TRPV2: variants seen among roughly 807,000 people sequenced by gnomAD.
TRPV2 encodes the protein transient receptor potential cation channel subfamily V member 2.
TRPV2 carries 58 observed loss-of-function variants against 91.0 expected under a neutral mutation model. The ratio of observed to expected loss-of-function variants is 0.64; its 90% confidence interval spans 0.52 to 0.79. The LOEUF (loss-of-function observed/expected upper bound fraction) is 0.79, where lower values mean the gene tolerates loss of function less well. Ranked by LOEUF, TRPV2 falls within the 30% of genes least tolerant of loss-of-function variation. The pLI is 0.00. For synonymous variants in TRPV2, 417 were observed against 414.8 expected, an observed-to-expected ratio of 1.01 and a Z score of -0.06; for missense variants, 807 against 969.6, an observed-to-expected ratio of 0.83 and a Z score of 2.23.
chr17:16,420,386 G>A, intron 3 of TRPV2, 138 bp downstream of exon 3: 3 of 1,145,992 alleles, frequency 2.6e-6, no homozygotes, highest in Non-Finnish European at 3.7e-6. Context: ...TGGCTGGGGG[G>A]CCCTGTGGAC....
At chr17:16,431,293 T>TATATATATATATA (rs1568919199) in intron 10 of TRPV2, among the ~76,000 whole-genome samples, 5 of 44,994 alleles carry the variant, frequency 1.1e-4, no homozygotes, top group African/African-American at 6.1e-4. Flanking sequence ...ATATACATAT[T>TATATATATATATA]TTTTTTTTTT....
At chr17:16,419,149 A>C (rs1005509545) in intron 2 of TRPV2, among the ~76,000 whole-genome samples, 1 of 151,396 alleles carries the variant, frequency 6.6e-6, no homozygotes, top group African/African-American at 2.4e-5. Flanking sequence ...ATCAAATAGC[A>C]CCCCCTGTTC....
At chr17:16,422,428 AC>A (rs2093362441) in intron 3 of TRPV2, among the ~76,000 whole-genome samples, 170 bp from the exon 4 acceptor site, 1 of 152,150 alleles carries the variant, frequency 6.6e-6, no homozygotes, top group African/African-American at 2.4e-5. Flanking sequence ...CTTATCTGTT[AC>A]TTGGAGCCTT....
At chr17:16,417,184 C>T (rs1272625307) in intron 1 of TRPV2, among the ~76,000 whole-genome samples, 1 of 152,086 alleles carries the variant, frequency 6.6e-6, no homozygotes, top group Admixed American at 6.5e-5. Flanking sequence ...GGCTCCCACA[C>T]AGTGGGTGGA....
At chr17:16,425,801 C>T (rs2093380198) in intron 5 of TRPV2, among the ~76,000 whole-genome samples, 1 of 152,190 alleles carries the variant, frequency 6.6e-6, no homozygotes, top group Non-Finnish European at 1.5e-5. Context: ...TCAGGGGCCT[C>T]AAGGACCCCA....
Position 16,426,686 on chromosome 17 carries a change from T to C in TRPV2, c.1096-36T>C. Reference sequence around the variant, plus strand: ...GGAGTGGGCAGCCTATTTGCACTTGTTGAGTGTACCCATGGCTCTCCCCTC... The same window carrying C: ...GGAGTGGGCAGCCTATTTGCACTTGCTGAGTGTACCCATGGCTCTCCCCTC... On this transcript the variant is annotated intron_variant, in intron 6 of 14. Transcript: ENST00000338560. The surrounding 1 kb of genome is among the most constrained non-coding windows in gnomAD (Gnocchi z 6.0). 1 of 1,597,324 alleles carries C rather than the reference T, an allele frequency of 6.3e-7. No homozygotes were observed. Among genetic ancestry groups the C allele is most frequent in the South Asian group, 1.1e-5 (1 of 87,922 alleles).
chr17:16,423,172 C>T (rs1287382896), intron 4 of TRPV2, among the ~76,000 whole-genome samples: 1 of 152,240 alleles, frequency 6.6e-6, no homozygotes, highest in Admixed American at 6.5e-5. Context: ...ATGTTTCATC[C>T]TCGTCTGGCC....
chr17:16,417,153 A>C (rs1490983227), intron 1 of TRPV2, among the ~76,000 whole-genome samples: 4 of 151,318 alleles, frequency 2.6e-5, no homozygotes, highest in Non-Finnish European at 5.9e-5. Context: ...CTCCTGGCCC[A>C]CTTCCCCTGC....
chr17:16,427,545 C>T lies in TRPV2; in HGVS notation c.1348C>T (p.Gln450Ter). 6.2e-7 allele frequency: 1 copy of T among 1,611,046 alleles called. No homozygotes were observed. The highest frequency in any genetic ancestry group is 8.5e-7 in the Non-Finnish European group (1 of 1,178,046). Residue 450 changes from glutamine (Q) to a stop codon, truncating the protein, a stop_gained and splice_region_variant, in exon 8 of 15, where the codon CAG becomes TAG. Coordinates refer to ENST00000338560, the MANE Select transcript of TRPV2 (RefSeq NM_016113.5). LOFTEE classifies it high-confidence loss of function. The stretch of plus-strand genomic sequence containing the variant: ...AGGGGGGATCTACCTCCTCGTGGGC[C>T]AGGTGAGTGCCCCTCCCCTTCTCCT... Reference protein sequence around the residue: ...LLGGIYLLVGQLWYFWRRHVF... With the variant: ...LLGGIYLLVG
rs761898903 is a variant in TRPV2, at chr17:16,432,276, C to T, written c.1965C>T (p.Asp655=). The T allele has an allele frequency of 6.8e-6, 11 of 1,607,878 alleles. No individual in the cohort carries two copies. Among genetic ancestry groups the T allele is most frequent in the African/African-American group, 1.3e-5 (1 of 74,846 alleles). Residue 655 remains aspartate (D), a synonymous_variant, in exon 12 of 15, where the codon GAC becomes GAT. Coordinates refer to ENST00000338560, the MANE Select transcript of TRPV2 (RefSeq NM_016113.5). ...AGACCGTCAACAGTGTCGCCACTGACAGCTGGAGCATCTGGAAGCTGCAGG... is the reference window on the plus strand; with the variant it reads ...AGACCGTCAACAGTGTCGCCACTGATAGCTGGAGCATCTGGAAGCTGCAGG... ...MSETVNSVAT[D]SWSIWKLQKA...
Position 16,426,601 on chromosome 17 carries a change from TG to T in TRPV2, c.1096-119del. 1 of 1,225,280 alleles carries T rather than the reference TG, an allele frequency of 8.2e-7. No homozygotes were observed. The highest frequency in any genetic ancestry group is 1.1e-6 in the Non-Finnish European group (1 of 895,044). 75.9% of individuals were successfully genotyped at this position (1,225,280 alleles called of 1,614,324 possible). ...GAGGTCCTTTGGGGCTCCTGGGGTG[TG>T]GAAGCCTGCTCCCTGTCCTCTCTCC... On this transcript the variant is annotated intron_variant, in intron 6 of 14. Coordinates refer to ENST00000338560, the MANE Select transcript of TRPV2 (RefSeq NM_016113.5). This position sits in a 1 kb window ranked among gnomAD's most constrained non-coding sequence, Gnocchi z 6.0.
chr17:16,424,368 G>C (rs1254481465), intron 5 of TRPV2, among the ~76,000 whole-genome samples: 1 of 151,820 alleles, frequency 6.6e-6, no homozygotes, highest in African/African-American at 2.4e-5. Context: ...CACCATGTTG[G>C]TCAGGCTGGT....
chr17:16,425,399 C>T (rs533935834), intron 5 of TRPV2, among the ~76,000 whole-genome samples: 1 of 152,336 alleles, frequency 6.6e-6, no homozygotes, highest in Admixed American at 6.5e-5. Flanking sequence ...CATGAGGCAG[C>T]CCCCACTTTG....
intron 12 of TRPV2, 105 bp downstream of exon 12, chr17:16,432,405 G>C: frequency 3.0e-6 from 3 of 987,500 alleles, no homozygotes; most frequent in African/African-American, 1.6e-5. Context: ...GAGATGCCGG[G>C]TTGGGCAGCT....
At position 16,422,835 on chromosome 17, in the gene TRPV2, G is replaced by T; in HGVS notation, c.571G>T (p.Ala191Ser). The T allele has an allele frequency of 6.4e-7, 1 of 1,573,176 alleles. No homozygotes were observed. The highest frequency in any genetic ancestry group is 8.6e-7 in the Non-Finnish European group (1 of 1,157,312). Residue 191 changes from alanine (A) to serine (S), a missense_variant, in exon 4 of 15, where the codon GCC (alanine) becomes TCC (serine). Ala to Ser is a moderately conservative substitution (Grantham distance 99). Transcript: ENST00000338560. ...GGTGGAGAATGGGGCCAATGTGCAT[G>T]CCCGGGCCTGCGGCCGCTTCTTCCA... The part of the protein sequence containing the change: ...LLVENGANVH[A>S]RACGRFFQKG...
At chr17:16,424,066 C>T (rs547903909) in intron 5 of TRPV2, among the ~76,000 whole-genome samples, 1 of 151,826 alleles carries the variant, frequency 6.6e-6, no homozygotes, top group South Asian at 2.1e-4. Flanking sequence ...CTCGGCTCAC[C>T]GCAACCTCTG....
chr17:16,421,454 G>A (rs575422536), intron 3 of TRPV2, among the ~76,000 whole-genome samples: 4 of 150,906 alleles, frequency 2.7e-5, no homozygotes, highest in South Asian at 4.2e-4. Context: ...TCCTGACTTC[G>A]TGATCCGCCC....
intron 5 of TRPV2, among the ~76,000 whole-genome samples, chr17:16,425,414 A>G (rs768008511): frequency 7.9e-5 from 12 of 152,376 alleles, no homozygotes; most frequent in African/African-American, 2.6e-4. Context: ...ACTTTGTTCC[A>G]GATAGCTTAC....
At chr17:16,428,777 A>G in intron 9 of TRPV2, 40 bp from the exon 10 acceptor site, 1 of 1,611,210 alleles carries the variant, frequency 6.2e-7, no homozygotes, top group Non-Finnish European at 8.5e-7. Flanking sequence ...TCAGGGAGCC[A>G]AGTGGCCCGC....
Sources: allele counts gnomAD v4.1 joint callset (sites outside exome capture counted in the v4.1 genomes callset), GRCh38; gene constraint gnomAD v4.1.1; non-coding constraint Gnocchi (gnomAD v3.1); transcripts MANE v1.5; gene names NCBI Gene and HGNC (gene_info 2026-07-23, HGNC 2026-07-21).